LRRC52: variants seen among roughly 807,000 people sequenced by gnomAD.
The protein encoded by LRRC52 is leucine rich repeat containing 52, also known as leucine-rich repeat-containing protein 52.
LRRC52 carries 15 observed loss-of-function variants against 14.7 expected under a neutral mutation model. That is an observed-to-expected ratio of 1.02 (90% CI 0.68 to 1.58). The LOEUF is 1.58. Among genes scored for constraint, LRRC52 ranks in the 40% most tolerant of loss-of-function variants. The pLI, the probability that LRRC52 is intolerant of heterozygous loss-of-function variation, is 0.00. For missense variants in LRRC52, 400 were observed against 387.7 expected (o/e 1.03, Z -0.27); for synonymous variants, 180 against 163.9 (o/e 1.10, Z -0.75).
chr1:165,546,506 C>T (rs1661022591), intron 1 of LRRC52, among the ~76,000 whole-genome samples: 1 of 152,180 alleles, frequency 6.6e-6, no homozygotes, highest in South Asian at 2.1e-4. Context: ...CAATATTAAT[C>T]ATCCTCATGC....
Position 165,544,658 on chromosome 1 carries a change from T to G in LRRC52, c.362T>G (p.Phe121Cys). ...CTAACCTCGATCTCCCCATTCACTT[T>G]CTCGGTGCTCAGCAACCTGGTGCAG... ...NNLTSISPFT[F>C]SVLSNLVQLN... Residue 121 changes from phenylalanine to cysteine, a missense_variant, in exon 1 of 2, where the codon TTC becomes TGC. Physicochemically the swap from Phe to Cys is radical, Grantham distance 205 (BLOSUM62 -2). Transcript: ENST00000294818. 1 of 1,614,060 alleles carries G rather than the reference T, an allele frequency of 6.2e-7. No homozygotes were observed. The highest frequency in any genetic ancestry group is 8.5e-7 in the Non-Finnish European group (1 of 1,180,008).
intron 1 of LRRC52, among the ~76,000 whole-genome samples, chr1:165,549,640 C>G (rs1251027547): frequency 6.6e-6 from 1 of 152,142 alleles, no homozygotes; most frequent in African/African-American, 2.4e-5. Flanking sequence ...AGTGGAGAAC[C>G]TTGAAGGAAA....
chr1:165,547,658 T>C (rs778409620), intron 1 of LRRC52, among the ~76,000 whole-genome samples: 1 of 152,212 alleles, frequency 6.6e-6, no homozygotes, highest in Admixed American at 6.5e-5. Context: ...GTATATACCA[T>C]ATATACATAT....
At chr1:165,554,445 G>GTTGTTGTTGTTGTT (rs780076968) in intron 1 of LRRC52, among the ~76,000 whole-genome samples, 35 of 152,084 alleles carry the variant, frequency 2.3e-4, no homozygotes, top group South Asian at 4.2e-4. Flanking sequence ...TGTTGTTGTT[G>GTTGTTGTTGTTGTT]TTGTTGTTTT....
chr1:165,559,396 A>C (rs542023391), intron 1 of LRRC52, among the ~76,000 whole-genome samples: 22 of 152,348 alleles, frequency 1.4e-4, no homozygotes, highest in African/African-American at 5.3e-4. Flanking sequence ...TCTCAAAAAA[A>C]AAAAATTGTG....
intron 1 of LRRC52, among the ~76,000 whole-genome samples, chr1:165,554,236 G>A (rs965641349): frequency 5.9e-5 from 9 of 152,188 alleles, no homozygotes; most frequent in African/African-American, 1.9e-4. Flanking sequence ...TTGCCTGGCA[G>A]TGATTCTGAG....
chr1:165,551,020 C>T (rs187647548), intron 1 of LRRC52, among the ~76,000 whole-genome samples: 11 of 152,282 alleles, frequency 7.2e-5, no homozygotes, highest in African/African-American at 2.6e-4. Context: ...GAACAGCGCT[C>T]AGCAGGCAAG....
chr1:165,544,688 ACATTGC>A lies in LRRC52; in HGVS notation c.395_400del (p.Ile132_Ala133del), dbSNP rs1660980496. 2 of 1,613,968 alleles carry A rather than the reference ACATTGC, an allele frequency of 1.2e-6. No individual in the cohort carries two copies. On this transcript the variant is annotated inframe_deletion, in exon 1 of 2. Coordinates refer to ENST00000294818, the MANE Select transcript of LRRC52 (RefSeq NM_001005214.4). ...GTGCTCAGCAACCTGGTGCAGCTGAACATTGCCAACAACCCTCACCTGTTATCGCTT... is the reference window on the plus strand; with the variant it reads ...GTGCTCAGCAACCTGGTGCAGCTGAACAACAACCCTCACCTGTTATCGCTT...
intron 1 of LRRC52, among the ~76,000 whole-genome samples, chr1:165,545,133 CA>C (rs1359194892): frequency 6.6e-6 from 1 of 152,182 alleles, no homozygotes; most frequent in African/African-American, 2.4e-5. Context: ...GTCCCAAACT[CA>C]GCACTTACCA....
At chr1:165,555,563 C>T (rs566416580) in intron 1 of LRRC52, among the ~76,000 whole-genome samples, 1 of 152,208 alleles carries the variant, frequency 6.6e-6, no homozygotes, top group South Asian at 2.1e-4. Context: ...CAGATTGCTC[C>T]CACTGCTGTC....
intron 1 of LRRC52, among the ~76,000 whole-genome samples, chr1:165,548,686 T>C (rs1475167262): frequency 6.6e-6 from 1 of 152,232 alleles, no homozygotes; most frequent in African/African-American, 2.4e-5. Context: ...TTAACCTCTC[T>C]GAACTTTAAT....
At chr1:165,554,725 C>T (rs892325003) in intron 1 of LRRC52, among the ~76,000 whole-genome samples, 1 of 152,176 alleles carries the variant, frequency 6.6e-6, no homozygotes, top group Non-Finnish European at 1.5e-5. Flanking sequence ...CCACTGCACC[C>T]GGCCAATGAT....
Position 165,544,243 on chromosome 1 carries a change from T to A in LRRC52, c.-54T>A. 7.0e-7 allele frequency: 1 copy of A among 1,424,522 alleles called. No individual in the cohort carries two copies. Among genetic ancestry groups the A allele is most frequent in the Non-Finnish European group, 9.4e-7 (1 of 1,062,146 alleles). The allele number at this position is 1,424,522 out of a possible 1,614,324, so 88.2% of individuals were successfully genotyped here. On this transcript the variant is annotated 5_prime_UTR_variant, in exon 1 of 2. Transcript: ENST00000294818. The stretch of plus-strand genomic sequence containing the variant: ...CACCCCCCCACCGGCAGCCTTCGGA[T>A]CAGAGGACAGAGCCCGCAGGAAGGT...
intron 1 of LRRC52, among the ~76,000 whole-genome samples, chr1:165,553,034 C>G (rs1197163167): frequency 6.6e-6 from 1 of 152,072 alleles, no homozygotes; most frequent in African/African-American, 2.4e-5. Context: ...ATGTTCTGAC[C>G]TGAAATTCAG....
At chr1:165,545,033 T>C (rs1660990710) in intron 1 of LRRC52, 115 bp downstream of exon 1, 3 of 1,314,612 alleles carry the variant, frequency 2.3e-6, no homozygotes. Flanking sequence ...ATTGAATGCA[T>C]TCTTATTACT....
rs1358439031 is a variant in LRRC52, at chr1:165,544,591, G to A, written c.295G>A (p.Gly99Arg). Residue 99 changes from glycine to arginine, a missense_variant, in exon 1 of 2, where the codon GGG (glycine) becomes AGG (arginine). Coordinates refer to ENST00000294818, the MANE Select transcript of LRRC52 (RefSeq NM_001005214.4). ...IREVMDYTFI[G>R]VFKLIYLDLS... ...AGAGGTGATGGATTATACCTTCATCGGGGTCTTCAAACTCATCTACCTTGA... is the reference window on the plus strand; with the variant it reads ...AGAGGTGATGGATTATACCTTCATCAGGGTCTTCAAACTCATCTACCTTGA... 1.1e-5 allele frequency: 17 copies of A among 1,613,748 alleles called. No individual in the cohort carries two copies. The highest frequency in any genetic ancestry group is 1.2e-5 in the Non-Finnish European group (14 of 1,179,974).
In LRRC52 at chr1:165,544,810, C is replaced by T; in HGVS notation, c.514C>T (p.His172Tyr). The T allele has an allele frequency of 6.2e-7, 1 of 1,614,056 alleles. No homozygotes were observed. Among genetic ancestry groups the T allele is most frequent in the Non-Finnish European group, 8.5e-7 (1 of 1,180,020 alleles). Reference protein sequence around the residue: ...LQTLDSAALYHLTTLETLFLS... With the variant: ...LQTLDSAALYYLTTLETLFLS... ...GACCCTGGACAGTGCTGCCTTATAC[C>T]ACCTCACTACTCTGGAGACCCTGTT... The change falls in exon 1 of 2, where the codon CAC (histidine) becomes TAC (tyrosine). Residue 172 changes from histidine to tyrosine, a missense_variant. Physicochemically the swap from His to Tyr is moderately conservative, Grantham distance 83. Coordinates refer to ENST00000294818, the MANE Select transcript of LRRC52 (RefSeq NM_001005214.4).
chr1:165,545,537 T>C (rs1231653959), intron 1 of LRRC52, among the ~76,000 whole-genome samples: 1 of 152,136 alleles, frequency 6.6e-6, no homozygotes, highest in Non-Finnish European at 1.5e-5. Flanking sequence ...TGGCCTCCTA[T>C]GGAAGGAGAG....
intron 1 of LRRC52, among the ~76,000 whole-genome samples, chr1:165,557,181 A>G (rs1427192491): frequency 1.3e-5 from 2 of 152,030 alleles, no homozygotes; most frequent in African/African-American, 4.8e-5. Flanking sequence ...TTGTCCTCAT[A>G]CTCTTACCCT....
Sources: gnomAD v4.1 joint callset for allele counts (sites outside exome capture counted in the v4.1 genomes callset) on GRCh38, gnomAD v4.1.1 for gene constraint, MANE v1.5 for transcripts, NCBI Gene and HGNC (gene_info 2026-07-23, HGNC 2026-07-21) for gene names.